KLRD1: variants seen among roughly 807,000 people sequenced by gnomAD.
The protein encoded by KLRD1 is killer cell lectin like receptor D1, also known as natural killer cells antigen CD94.
In KLRD1, 21 loss-of-function variants were observed where a neutral mutation model predicts 22.6. That is an observed-to-expected ratio of 0.93 (90% CI 0.66 to 1.34). The LOEUF is 1.34. Ranked by LOEUF, KLRD1 falls within the 40% of genes most tolerant of loss-of-function variation. KLRD1 has a pLI of 0.00. For missense variants in KLRD1, 183 were observed against 208.6 expected (o/e 0.88, Z 0.76); for synonymous variants, 59 against 71.1 (o/e 0.83, Z 0.85).
rs562192046 is a variant in KLRD1 at position 10,295,594 on chromosome 12, G to A, written c.-100-12384G>A. Among the ~76,000 whole-genome samples the A allele has an allele frequency of 1.1e-3, 167 of 151,750 alleles. 2 individuals are homozygous for A. The highest frequency in any genetic ancestry group is 1.1e-3 in the Admixed American group (17 of 15,248). On this transcript the variant is annotated intron_variant, in intron 1 of 5. Transcript: ENST00000544747. Reference sequence around the variant, plus strand: ...GAATAGAATTTTGAACAAATTATCTGGTCAATACTTGTACTTTAAAATACA... The same window carrying A: ...GAATAGAATTTTGAACAAATTATCTAGTCAATACTTGTACTTTAAAATACA...
intron 1 of KLRD1, among the ~76,000 whole-genome samples, chr12:10,245,998 A>G (rs1205433463): frequency 6.6e-6 from 1 of 152,186 alleles, no homozygotes; most frequent in Admixed American, 6.5e-5. Context: ...TACTTTAAAA[A>G]GAAGCATTTG....
intron 1 of KLRD1, among the ~76,000 whole-genome samples, chr12:10,250,527 C>T (rs12828163): frequency 0.068 from 10,309 of 151,612 alleles, 416 homozygotes; most frequent in East Asian, 0.17. Context: ...CAAAATCTCC[C>T]GCTCACTGCA....
intron 1 of KLRD1, among the ~76,000 whole-genome samples, chr12:10,272,670 G>A (rs909015106): frequency 6.6e-6 from 1 of 152,146 alleles, no homozygotes; most frequent in African/African-American, 2.4e-5. Context: ...AATGAGATGG[G>A]ACCAAGGCAA....
At chr12:10,290,939 A>G (rs1949764307) in intron 1 of KLRD1, among the ~76,000 whole-genome samples, 1 of 152,234 alleles carries the variant, frequency 6.6e-6, no homozygotes, top group Admixed American at 6.5e-5. Flanking sequence ...TGGTTTTGAC[A>G]TTGTACTCTA....
At chr12:10,293,051 C>G (rs1949784143) in intron 1 of KLRD1, among the ~76,000 whole-genome samples, 1 of 147,230 alleles carries the variant, frequency 6.8e-6, no homozygotes, top group African/African-American at 2.5e-5. Context: ...AGCTTTCTCA[C>G]CTCTCACAGC....
chr12:10,251,495 C>G (rs1172004822), intron 1 of KLRD1, among the ~76,000 whole-genome samples: 1 of 151,942 alleles, frequency 6.6e-6, no homozygotes, highest in Non-Finnish European at 1.5e-5. Flanking sequence ...CTTTTTGGCC[C>G]CAGGGACCGG....
At chr12:10,306,615 C>T (rs1475342789), upstream of KLRD1, among the ~76,000 whole-genome samples, 1 of 152,082 alleles carries the variant, frequency 6.6e-6, no homozygotes, top group Non-Finnish European at 1.5e-5. Flanking sequence ...TTCTTCCAGA[C>T]CAGCTTTTTC....
At chr12:10,274,959 C>T (rs996947714) in intron 1 of KLRD1, among the ~76,000 whole-genome samples, 2 of 151,976 alleles carry the variant, frequency 1.3e-5, no homozygotes, top group African/African-American at 2.4e-5. Flanking sequence ...GGTGTGATCT[C>T]GACTCACTGC....
intron 3 of KLRD1, among the ~76,000 whole-genome samples, chr12:10,310,312 G>A (rs1263707579): frequency 6.6e-6 from 1 of 152,108 alleles, no homozygotes; most frequent in African/African-American, 2.4e-5. Context: ...TAGAGTCAGG[G>A]TTTCGCCATG....
chr12:10,253,168 A>AT (rs530403661), intron 1 of KLRD1, among the ~76,000 whole-genome samples: 207 of 152,122 alleles, frequency 1.4e-3, no homozygotes, highest in African/African-American at 4.7e-3. Flanking sequence ...AGTTCTAGCA[A>AT]TTTGGAAACA....
chr12:10,298,623 T>C (rs1949841694), intron 1 of KLRD1, among the ~76,000 whole-genome samples: 1 of 152,218 alleles, frequency 6.6e-6, no homozygotes, highest in African/African-American at 2.4e-5. Flanking sequence ...GAGCAAGGAA[T>C]ACCTGGCCCA....
intron 1 of KLRD1, among the ~76,000 whole-genome samples, chr12:10,286,533 C>T (rs553994551): frequency 9.2e-5 from 14 of 152,222 alleles, no homozygotes; most frequent in African/African-American, 3.1e-4. Flanking sequence ...TTTGAAACTA[C>T]TCACTTTTGA....
chr12:10,248,314 C>T (rs998407843), intron 1 of KLRD1, among the ~76,000 whole-genome samples: 1 of 151,882 alleles, frequency 6.6e-6, no homozygotes, highest in Non-Finnish European at 1.5e-5. Context: ...TCAGAAGCTA[C>T]AAAGAAAATC....
At chr12:10,277,756 C>G (rs1299691558) in intron 1 of KLRD1, among the ~76,000 whole-genome samples, 1 of 151,990 alleles carries the variant, frequency 6.6e-6, no homozygotes, top group Non-Finnish European at 1.5e-5. Context: ...TTCAATTAGT[C>G]CCTCTGATTT....
At chr12:10,259,247 A>G (rs1366066849) in intron 1 of KLRD1, among the ~76,000 whole-genome samples, 3 of 152,172 alleles carry the variant, frequency 2.0e-5, no homozygotes, top group Non-Finnish European at 4.4e-5. Flanking sequence ...TTAATTAAAT[A>G]TTGTTCTAGT....
intron 1 of KLRD1, among the ~76,000 whole-genome samples, chr12:10,263,353 C>T (rs2417585): frequency 0.8 from 121,971 of 151,960 alleles, 53,526 homozygotes; most frequent in Non-Finnish European, 0.98. Flanking sequence ...TGTACTTTTT[C>T]TAACCAGTTA....
At chr12:10,260,835 G>A (rs1434165055) in intron 1 of KLRD1, among the ~76,000 whole-genome samples, 4 of 152,036 alleles carry the variant, frequency 2.6e-5, no homozygotes, top group South Asian at 2.1e-4. Context: ...CCAGCTACTC[G>A]GGAGGCTGAG....
At chr12:10,270,292 T>G (rs1422960723) in intron 1 of KLRD1, among the ~76,000 whole-genome samples, 1 of 152,012 alleles carries the variant, frequency 6.6e-6, no homozygotes, top group Non-Finnish European at 1.5e-5. Flanking sequence ...AGAACCAAAT[T>G]TAAAGGCTAT....
chr12:10,313,692 C>T (rs1258867651), intron 5 of KLRD1, among the ~76,000 whole-genome samples, 179 bp downstream of exon 5: 1 of 152,134 alleles, frequency 6.6e-6, no homozygotes, highest in Non-Finnish European at 1.5e-5. Context: ...ATCTAAACCA[C>T]TCTAAGTGTT....
Sources: gnomAD v4.1 joint callset for allele counts (sites outside exome capture counted in the v4.1 genomes callset) on GRCh38, gnomAD v4.1.1 for gene constraint, MANE v1.5 for transcripts, NCBI Gene and HGNC (gene_info 2026-07-23, HGNC 2026-07-21) for gene names.